Variants in IKBKB observed in about 807,000 individuals in gnomAD.
IKBKB encodes the protein inhibitor of nuclear factor kappa B kinase subunit beta.
IKBKB carries 42 observed loss-of-function variants against 113.6 expected under a neutral mutation model. The ratio of observed to expected loss-of-function variants is 0.37; its 90% CI spans 0.29 to 0.48. The LOEUF is 0.48. Ranked by LOEUF, IKBKB falls within the 20% of genes least tolerant of loss-of-function variation. The pLI is 0.99. For missense variants in IKBKB, 673 were observed against 939.7 expected, an observed-to-expected ratio of 0.72 and a Z score of 3.71; for synonymous variants, 296 against 361.3, an observed-to-expected ratio of 0.82 and a Z score of 2.05.
chr8:42,284,798 G>T (rs79881854), intron 2 of IKBKB, among the ~76,000 whole-genome samples: 1 of 151,770 alleles, frequency 6.6e-6, no homozygotes, highest in Admixed American at 6.6e-5. Flanking sequence ...ACCAGGAATC[G>T]GGAGGTACAG....
rs201418310 is a variant in IKBKB at position 42,331,233 on chromosome 8, G to A, written c.*254G>A. On this transcript the variant is annotated 3_prime_UTR_variant, in exon 22 of 22. Coordinates refer to ENST00000520810, the MANE Select transcript of IKBKB (RefSeq NM_001556.3). ...ACGCAGCCCTCCGTGGGCACTGCCG[G>A]CGCCTTGTCTGCACACTGGAGGTCC... 1.7e-5 allele frequency: 12 copies of A among 712,752 alleles called. No individual in the cohort carries two copies. The highest frequency in any genetic ancestry group is 2.5e-5 in the Non-Finnish European group (10 of 395,750). 44.2% of individuals were successfully genotyped at this position (712,752 alleles called of 1,614,324 possible). A position where few individuals can be genotyped will look rare whatever the true frequency, so the allele number is the denominator to read the frequency against.
chr8:42,309,176 T>A, intron 8 of IKBKB, 151 bp downstream of exon 8: 9 of 824,114 alleles, frequency 1.1e-5, no homozygotes, highest in South Asian at 6.8e-5. Context: ...CTAGCACGAG[T>A]AGGGGAGTGG....
intron 8 of IKBKB, chr8:42,309,560 G>C (rs1248013091): frequency 3.1e-6 from 1 of 319,522 alleles, no homozygotes; most frequent in Non-Finnish European, 6.2e-6. Context: ...TTCCAGACCA[G>C]CCTGGCCAAC....
At chr8:42,297,711 A>C (rs1260910147) in intron 5 of IKBKB, among the ~76,000 whole-genome samples, 1 of 152,212 alleles carries the variant, frequency 6.6e-6, no homozygotes, top group Non-Finnish European at 1.5e-5. Context: ...CCTGGCCAAC[A>C]TGGTGAAACC....
chr8:42,311,289 G>T (rs968286938), intron 8 of IKBKB, among the ~76,000 whole-genome samples: 2 of 152,152 alleles, frequency 1.3e-5, no homozygotes, highest in African/African-American at 4.8e-5. Context: ...TGGGCCAGGC[G>T]TGGTGGCTCA....
chr8:42,271,504 C>A (rs1280318692), intron 1 of IKBKB, 35 bp downstream of exon 1: 1 of 729,404 alleles, frequency 1.4e-6, no homozygotes. Context: ...CCGGGTGCCA[C>A]CTGCAGGCCC....
At chr8:42,304,859 C>T (rs1443500709) in intron 5 of IKBKB, among the ~76,000 whole-genome samples, 1 of 152,202 alleles carries the variant, frequency 6.6e-6, no homozygotes, top group Admixed American at 6.5e-5. Context: ...GACTTGAATC[C>T]AGAGGTCTCA....
intron 8 of IKBKB, among the ~76,000 whole-genome samples, chr8:42,313,317 G>C (rs1274909282): frequency 6.6e-6 from 1 of 152,102 alleles, no homozygotes; most frequent in Non-Finnish European, 1.5e-5. Flanking sequence ...TGGGTGTGGT[G>C]GCGCACACCA....
Position 42,316,381 on chromosome 8 carries a change from T to C in IKBKB, c.930+42T>C. The C allele has an allele frequency of 6.2e-7, 1 of 1,612,156 alleles. No individual in the cohort carries two copies. The highest frequency in any genetic ancestry group is 1.7e-5 in the Admixed American group (1 of 59,880). ...GTTAGCCCTGAGGCAAAAGCTGGGG[T>C]CCCCAGTGGAACATGCAGTTCTTAG... On this transcript the variant is annotated intron_variant, in intron 10 of 21. Transcript: ENST00000520810. This position sits in a 1 kb window ranked among gnomAD's most constrained non-coding sequence, Gnocchi z 4.5.
chr8:42,272,499 TTA>T (rs1477659082), intron 2 of IKBKB: 84 of 471,722 alleles, frequency 1.8e-4, no homozygotes, highest in Non-Finnish European at 2.1e-4. Context: ...TATACTGATA[TTA>T]TATGTTATAA....
intron 2 of IKBKB, among the ~76,000 whole-genome samples, chr8:42,274,739 G>A (rs1422061455): frequency 7.3e-6 from 1 of 136,282 alleles, no homozygotes; most frequent in Non-Finnish European, 1.5e-5. Flanking sequence ...CACCATGTTG[G>A]CCAGGCTGGT....
At chr8:42,271,571 A>C (rs1807731865) in intron 1 of IKBKB, 102 bp downstream of exon 1, 1 of 559,520 alleles carries the variant, frequency 1.8e-6, no homozygotes, top group African/African-American at 2.0e-5. Context: ...GGGAAGTCGC[A>C]GCTTGCGGAC....
chr8:42,305,800 C>A (rs1816400959), intron 6 of IKBKB, among the ~76,000 whole-genome samples: 1 of 152,248 alleles, frequency 6.6e-6, no homozygotes, highest in South Asian at 2.1e-4. Context: ...GGTCTTTACC[C>A]ACCCACTCTA....
chr8:42,322,050 C>T lies in IKBKB; in HGVS notation c.1739-4C>T. 6.2e-7 allele frequency: 1 copy of T among 1,613,212 alleles called. No homozygotes were observed. Among genetic ancestry groups the T allele is most frequent in the South Asian group, 1.1e-5 (1 of 91,062 alleles). Reference sequence around the variant, plus strand: ...AGGAACTATGCTACCCTCCCTCTCTCCAGACCAGCGAACTGAGGGTGACAG... The same window carrying T: ...AGGAACTATGCTACCCTCCCTCTCTTCAGACCAGCGAACTGAGGGTGACAG... On this transcript the variant is annotated splice_region_variant and splice_polypyrimidine_tract_variant and intron_variant, in intron 17 of 21. Coordinates refer to ENST00000520810, the MANE Select transcript of IKBKB (RefSeq NM_001556.3).
chr8:42,278,238 G>A (rs1809591979), intron 2 of IKBKB, among the ~76,000 whole-genome samples: 1 of 152,204 alleles, frequency 6.6e-6, no homozygotes, highest in Non-Finnish European at 1.5e-5. Context: ...GGGCAAGACT[G>A]AAGGCCAGCG....
At chr8:42,305,001 G>A (rs1257403230) in intron 5 of IKBKB, among the ~76,000 whole-genome samples, 186 bp from the exon 6 acceptor site, 1 of 152,256 alleles carries the variant, frequency 6.6e-6, no homozygotes, top group Non-Finnish European at 1.5e-5. Flanking sequence ...CTTTGCGCAA[G>A]TAAGCCAGAT....
chr8:42,319,253 C>T lies in IKBKB; in HGVS notation c.1365-17C>T. 6.2e-7 allele frequency: 1 copy of T among 1,613,274 alleles called. No homozygotes were observed. The highest frequency in any genetic ancestry group is 1.1e-5 in the South Asian group (1 of 91,046). On this transcript the variant is annotated splice_polypyrimidine_tract_variant and intron_variant, in intron 13 of 21. Coordinates refer to ENST00000520810, the MANE Select transcript of IKBKB (RefSeq NM_001556.3). ...ATCCCAGAGATGCTCCAAGACTGTT[C>T]CTTGTGGTCCCTGCAGGATGAATCT...
At chr8:42,308,383 C>T (rs1246756236) in intron 7 of IKBKB, among the ~76,000 whole-genome samples, 6 of 151,400 alleles carry the variant, frequency 4.0e-5, no homozygotes, top group African/African-American at 1.5e-4. Flanking sequence ...CTGCAACCTC[C>T]ACTTCCCAGG....
At position 42,314,170 on chromosome 8, in the gene IKBKB, G is replaced by A. The variant is rs1664915901; in HGVS notation, c.693-152G>A. 4.5e-6 allele frequency: 3 copies of A among 665,214 alleles called. No homozygotes were observed. The South Asian group carries it at 5.1e-5, about 11-fold the overall frequency. The allele number at this position is 665,214 out of a possible 1,614,324, so 41.2% of individuals were successfully genotyped here. A position where few individuals can be genotyped will look rare whatever the true frequency, so the allele number is the denominator to read the frequency against. ...AGGTTTGTAGCCTAGGAGCAATAGGGTGTACGATACAGCCTAGGTCTGTAG... is the reference window on the plus strand; with the variant it reads ...AGGTTTGTAGCCTAGGAGCAATAGGATGTACGATACAGCCTAGGTCTGTAG... On this transcript the variant is annotated intron_variant, in intron 8 of 21. Coordinates refer to ENST00000520810, the MANE Select transcript of IKBKB (RefSeq NM_001556.3).
Sources: gnomAD v4.1 joint callset for allele counts (sites outside exome capture counted in the v4.1 genomes callset) on GRCh38, gnomAD v4.1.1 for gene constraint, Gnocchi (gnomAD v3.1) non-coding constraint, MANE v1.5 for transcripts, NCBI Gene and HGNC (gene_info 2026-07-23, HGNC 2026-07-21) for gene names.